STAB2: variants seen among roughly 807,000 people sequenced by gnomAD.
STAB2 encodes stabilin-2.
STAB2 carries 288 observed loss-of-function variants against 338.1 expected under a neutral mutation model. The ratio of observed to expected loss-of-function variants is 0.85; its 90% CI spans 0.77 to 0.94. The LOEUF (loss-of-function observed/expected upper bound fraction) is 0.94. Ranked by LOEUF, STAB2 falls within the 40% of genes least tolerant of loss-of-function variation. The probability of loss-of-function intolerance (pLI) is 0.00; values close to 1 mark genes in which losing one functional copy is unlikely to be tolerated. For synonymous variants in STAB2, 1,202 were observed against 1,193.3 expected, an observed-to-expected ratio of 1.01 and a Z score of -0.15; for missense variants, 3,141 against 3,210.1, an observed-to-expected ratio of 0.98 and a Z score of 0.52.
chr12:103,646,914 A>G (rs703628), intron 9 of STAB2, among the ~76,000 whole-genome samples: 147,351 of 152,324 alleles, frequency 0.97, 71,389 homozygotes, highest in African/African-American at 0.99. Context: ...GCTCAACACA[A>G]CTGGGGAGAG....
Position 103,740,648 on chromosome 12 carries a change from C to G in STAB2, c.5773C>G (p.Leu1925Val), listed in dbSNP as rs1273488024. ...CCCTTAGGGTGTGAAGCAGAAGTGTCTCTACAACCTGCCCTTCAAGAGGAA... is the reference window on the plus strand; with the variant it reads ...CCCTTAGGGTGTGAAGCAGAAGTGTGTCTACAACCTGCCCTTCAAGAGGAA... ...SKPKGVKQKC[L>V]YNLPFKRNLE... The change falls in exon 55 of 69, where the codon CTC (leucine) becomes GTC (valine). Residue 1925 changes from leucine to valine, a missense_variant. Coordinates refer to ENST00000388887, the MANE Select transcript of STAB2 (RefSeq NM_017564.10). 1 of 1,612,232 alleles carries G rather than the reference C, an allele frequency of 6.2e-7. No homozygotes were observed. The highest frequency in any genetic ancestry group is 1.1e-5 in the South Asian group (1 of 90,618).
chr12:103,732,609 C>G (rs1484091767), intron 50 of STAB2, among the ~76,000 whole-genome samples: 1 of 152,108 alleles, frequency 6.6e-6, no homozygotes, highest in East Asian at 1.9e-4. Context: ...AGTTTGAGAC[C>G]AGCCTGGGCA....
rs1879059079 is a variant in STAB2 at position 103,703,236 on chromosome 12, A to C, written c.3803A>C (p.Gln1268Pro). 1 of 1,613,968 alleles carries C rather than the reference A, an allele frequency of 6.2e-7. No homozygotes were observed. Among genetic ancestry groups the C allele is most frequent in the South Asian group, 1.1e-5 (1 of 91,086 alleles). ...GGCTTGGGAAAAGTTCTGGAAATTC[A>C]GAAGAACAGATGTGATAATAATGAC... is the stretch of plus-strand genomic sequence containing the variant. ...IHGLGKVLEI[Q>P]KNRCDNNDTT... The change falls in exon 35 of 69, where the codon CAG (glutamine) becomes CCG (proline). Residue 1268 changes from glutamine to proline, a missense_variant. Physicochemically the swap from Gln to Pro is moderately conservative, Grantham distance 76 (BLOSUM62 -1). Coordinates refer to ENST00000388887, the MANE Select transcript of STAB2 (RefSeq NM_017564.10).
chr12:103,753,400 C>A (rs3751199), intron 61 of STAB2, 47 bp downstream of exon 61: 180,239 of 1,612,190 alleles, frequency 0.11, 12,989 homozygotes, highest in African/African-American at 0.27. Flanking sequence ...TCTGCAGGGG[C>A]GGAAGTGCAG....
intron 9 of STAB2, among the ~76,000 whole-genome samples, chr12:103,645,308 A>G (rs1277223757): frequency 1.3e-5 from 2 of 152,224 alleles, no homozygotes; most frequent in East Asian, 3.8e-4. Context: ...AACGTCTCAG[A>G]CTTTGGACTG....
chr12:103,705,105 A>G (rs1290529722), intron 36 of STAB2: 1 of 156,354 alleles, frequency 6.4e-6, no homozygotes, highest in Non-Finnish European at 1.4e-5. Flanking sequence ...TACAAAGAAT[A>G]CTCATGTACC....
intron 4 of STAB2, among the ~76,000 whole-genome samples, chr12:103,621,223 TGTTAA>T (rs1223339409): frequency 6.6e-6 from 1 of 152,232 alleles, no homozygotes; most frequent in Non-Finnish European, 1.5e-5. Flanking sequence ...TTGCTGTCAT[TGTTAA>T]TATTAATAAT....
At chr12:103,697,893 T>C (rs188609756) in intron 33 of STAB2, among the ~76,000 whole-genome samples, 23 of 152,286 alleles carry the variant, frequency 1.5e-4, no homozygotes, top group African/African-American at 5.5e-4. Flanking sequence ...ATTCAGCTGG[T>C]GCTGGTGTCT....
At chr12:103,645,894 G>C (rs1006711944) in intron 9 of STAB2, among the ~76,000 whole-genome samples, 1 of 151,964 alleles carries the variant, frequency 6.6e-6, no homozygotes, top group Non-Finnish European at 1.5e-5. Context: ...GGGCTGGGGA[G>C]GGGGGGCAAA....
chr12:103,721,735 ATCCCAGCACTT>A (rs1168660614), intron 44 of STAB2, among the ~76,000 whole-genome samples: 1 of 152,226 alleles, frequency 6.6e-6, no homozygotes, highest in Non-Finnish European at 1.5e-5. Flanking sequence ...CATGCCTATA[ATCCCAGCACTT>A]TGGGGCACTG....
chr12:103,620,468 AG>A lies in STAB2; in HGVS notation c.333del (p.Glu111AspfsTer65). ...ACATCTGAGCTGTTTGATTCCCTAGAGTGCCCAGGTGGAGCGGGGTCACCCT... is the reference window on the plus strand; with the variant it reads ...ACATCTGAGCTGTTTGATTCCCTAGATGCCCAGGTGGAGCGGGGTCACCCT... The part of the protein sequence containing the change: ...CPGRWGPDCI[E>X]CPGGAGSPCN... On this transcript the variant is annotated frameshift_variant and splice_region_variant, in exon 4 of 69. Transcript: ENST00000388887. LOFTEE classifies it high-confidence loss of function. 6.3e-7 allele frequency: 1 copy of A among 1,578,990 alleles called. No homozygotes were observed. Among genetic ancestry groups the A allele is most frequent in the Non-Finnish European group, 8.6e-7 (1 of 1,160,946 alleles).
chr12:103,742,504 G>A lies in STAB2; in HGVS notation c.5981G>A (p.Gly1994Glu). The change falls in exon 56 of 69, where the codon GGG (glycine) becomes GAG (glutamate). Residue 1994 changes from glycine (G) to glutamate (E), a missense_variant. Physicochemically the swap from Gly to Glu is moderately conservative, Grantham distance 98. Coordinates refer to ENST00000388887, the MANE Select transcript of STAB2 (RefSeq NM_017564.10). ...GECKCNTGFNGTACEMCWPGR... is the reference protein window; with the variant it reads ...GECKCNTGFNETACEMCWPGR... Reference sequence around the variant, plus strand: ...TGTAAATGCAACACCGGCTTCAATGGGACGGCGTGTGAGATGTGCTGGCCG... The same window carrying A: ...TGTAAATGCAACACCGGCTTCAATGAGACGGCGTGTGAGATGTGCTGGCCG... 1 of 1,614,112 alleles carries A rather than the reference G, an allele frequency of 6.2e-7. No homozygotes were observed. The highest frequency in any genetic ancestry group is 1.1e-5 in the South Asian group (1 of 91,074).
At chr12:103,731,473 C>T (rs957379386) in intron 49 of STAB2, 103 bp from the exon 50 acceptor site, 83 of 1,167,758 alleles carry the variant, frequency 7.1e-5, no homozygotes, top group African/African-American at 2.2e-4. Flanking sequence ...TCTATGTATC[C>T]GTCAGGTTAT....
At chr12:103,758,847 C>T (rs897260492) in intron 64 of STAB2, among the ~76,000 whole-genome samples, 1 of 152,044 alleles carries the variant, frequency 6.6e-6, no homozygotes, top group South Asian at 2.1e-4. Flanking sequence ...CCACCAGCCA[C>T]CTGAGGGCTG....
intron 27 of STAB2, among the ~76,000 whole-genome samples, chr12:103,687,683 T>C (rs1566016048): frequency 6.6e-6 from 1 of 152,138 alleles, no homozygotes; most frequent in Non-Finnish European, 1.5e-5. Flanking sequence ...ATTTTACAGA[T>C]AAGAAAATTG....
intron 6 of STAB2, among the ~76,000 whole-genome samples, chr12:103,636,448 A>G (rs973690251): frequency 1.3e-5 from 2 of 151,104 alleles, no homozygotes; most frequent in African/African-American, 2.4e-5. Context: ...TAAATAATAC[A>G]TTGCCCATTT....
At chr12:103,651,230 C>G (rs1873715988) in intron 11 of STAB2, among the ~76,000 whole-genome samples, 1 of 151,914 alleles carries the variant, frequency 6.6e-6, no homozygotes, top group Non-Finnish European at 1.5e-5. Flanking sequence ...CCATTTTAAT[C>G]ATTGTGTAGG....
intron 54 of STAB2, 140 bp from the exon 55 acceptor site, chr12:103,740,490 A>G (rs903351207): frequency 1.0e-5 from 11 of 1,091,632 alleles, no homozygotes; most frequent in South Asian, 1.7e-5. Flanking sequence ...ATCACCTTGG[A>G]AAAAAAAAGT....
chr12:103,740,376 G>A (rs1882485188), intron 54 of STAB2, among the ~76,000 whole-genome samples: 1 of 152,066 alleles, frequency 6.6e-6, no homozygotes, highest in Non-Finnish European at 1.5e-5. Flanking sequence ...CACTCTAAGG[G>A]TCTGAAAGTT....
Sources: allele counts gnomAD v4.1 joint callset (sites outside exome capture counted in the v4.1 genomes callset), GRCh38; gene constraint gnomAD v4.1.1; transcripts MANE v1.5; gene names NCBI Gene and HGNC (gene_info 2026-07-23, HGNC 2026-07-21).